DYNC1I1: variants seen among roughly 807,000 people sequenced by gnomAD.
DYNC1I1 encodes dynein cytoplasmic 1 intermediate chain 1, also known as cytoplasmic dynein 1 intermediate chain 1.
Under a neutral mutation model 86.6 loss-of-function variants are expected in DYNC1I1, and 43 were observed. The ratio of observed to expected loss-of-function variants is 0.50; its 90% CI spans 0.39 to 0.64. The LOEUF (loss-of-function observed/expected upper bound fraction) is 0.64. DYNC1I1 is among the 30% of genes least tolerant of loss of function. The pLI, the probability that DYNC1I1 is intolerant of heterozygous loss-of-function variation, is 0.00. For missense variants in DYNC1I1, 604 were observed against 788.8 expected (o/e 0.77, Z 2.81); for synonymous variants, 262 against 283.7 (o/e 0.92, Z 0.77).
At chr7:96,079,019 GT>G (rs138249934) in intron 15 of DYNC1I1, among the ~76,000 whole-genome samples, 2 of 150,618 alleles carry the variant, frequency 1.3e-5, no homozygotes, top group African/African-American at 2.5e-5. Context: ...GACTTTTGGG[GT>G]TTTTTTTTGT....
intron 6 of DYNC1I1, among the ~76,000 whole-genome samples, chr7:95,954,199 A>T (rs940805696): frequency 1.3e-5 from 2 of 151,596 alleles, no homozygotes; most frequent in South Asian, 4.2e-4. Flanking sequence ...AATACTTCCC[A>T]TGTCACCTGG....
At chr7:95,922,470 T>G (rs1293391873) in intron 6 of DYNC1I1, among the ~76,000 whole-genome samples, 2 of 152,148 alleles carry the variant, frequency 1.3e-5, no homozygotes, top group Admixed American at 6.6e-5. Flanking sequence ...GTACTCCATG[T>G]GTGGCATTTA....
intron 6 of DYNC1I1, among the ~76,000 whole-genome samples, chr7:95,927,077 T>A (rs1283635645): frequency 6.6e-6 from 1 of 152,102 alleles, no homozygotes; most frequent in Non-Finnish European, 1.5e-5. Flanking sequence ...CTGCTGTAGT[T>A]TTTAATAATT....
At chr7:96,044,074 T>G (rs879658061) in intron 14 of DYNC1I1, among the ~76,000 whole-genome samples, 1 of 152,160 alleles carries the variant, frequency 6.6e-6, no homozygotes, top group African/African-American at 2.4e-5. Flanking sequence ...ACAGAACAAA[T>G]TATATGATAT....
At position 95,956,382 on chromosome 7, in the gene DYNC1I1, T is replaced by C. The variant is rs377307743; in HGVS notation, c.491-21130T>C. 2.5e-3 allele frequency among the ~76,000 whole-genome samples: 262 copies of C among 105,858 alleles called. 2 individuals are homozygous for C. The highest frequency in any genetic ancestry group is 3.1e-3 in the Non-Finnish European group (190 of 61,498). 69.4% of individuals were successfully genotyped at this position (105,858 alleles called of 152,430 possible). ...CAATAAGACCCTTCTTTTTTTCTCTTTTTTTTTTTTTTTTATTATACTTTA... is the reference window on the plus strand; with the variant it reads ...CAATAAGACCCTTCTTTTTTTCTCTCTTTTTTTTTTTTTTATTATACTTTA... On this transcript the variant is annotated intron_variant, in intron 6 of 16. Transcript: ENST00000447467.
rs377495263 is a variant in DYNC1I1, at chr7:95,810,444, G to A, written c.161G>A (p.Arg54His). ...EPVQDDSDLD[R>H]KRRETEALLQ... ...GTTCAGGACGACTCTGATCTGGATC[G>A]CAAACGACGAGAGACAGAGGCTTTG... Residue 54 changes from arginine (R) to histidine (H), a missense_variant, in exon 3 of 17, where the codon CGC becomes CAC. Transcript: ENST00000447467. The A allele has an allele frequency of 1.3e-5, 21 of 1,612,832 alleles. No individual in the cohort carries two copies. Among genetic ancestry groups the A allele is most frequent in the East Asian group, 6.7e-5 (3 of 44,862 alleles).
chr7:95,952,442 G>A (rs1792585370), intron 6 of DYNC1I1, among the ~76,000 whole-genome samples: 1 of 152,150 alleles, frequency 6.6e-6, no homozygotes, highest in South Asian at 2.1e-4. Context: ...AACAAGAGGT[G>A]CCTCATCAAG....
At chr7:95,973,456 A>T (rs1793225474) in intron 6 of DYNC1I1, among the ~76,000 whole-genome samples, 1 of 152,208 alleles carries the variant, frequency 6.6e-6, no homozygotes. Flanking sequence ...ACTATTTTTT[A>T]AATTTCTCTG....
intron 6 of DYNC1I1, among the ~76,000 whole-genome samples, chr7:95,912,284 G>T (rs1025225471): frequency 1.3e-5 from 2 of 152,132 alleles, no homozygotes; most frequent in Non-Finnish European, 2.9e-5. Context: ...TGATCCACCC[G>T]CTTTGGCCTC....
At chr7:95,993,607 A>G (rs139869160) in intron 9 of DYNC1I1, among the ~76,000 whole-genome samples, 242 of 152,266 alleles carry the variant, frequency 1.6e-3, no homozygotes, top group African/African-American at 5.4e-3. Flanking sequence ...CATCCGCTGC[A>G]GAGTGTTTTT....
chr7:95,977,319 A>G (rs1014836812), intron 6 of DYNC1I1, among the ~76,000 whole-genome samples, 193 bp from the exon 7 acceptor site: 1 of 152,154 alleles, frequency 6.6e-6, no homozygotes, highest in Non-Finnish European at 1.5e-5. Flanking sequence ...GAAATTTTCA[A>G]AGAGGCCCCT....
At chr7:95,864,237 G>T (rs909349668) in intron 5 of DYNC1I1, among the ~76,000 whole-genome samples, 1 of 152,180 alleles carries the variant, frequency 6.6e-6, no homozygotes, top group African/African-American at 2.4e-5. Flanking sequence ...GGGGAATGGG[G>T]ACAGTGATTC....
intron 6 of DYNC1I1, among the ~76,000 whole-genome samples, chr7:95,909,730 T>C (rs1791278835): frequency 6.6e-6 from 1 of 152,134 alleles, no homozygotes; most frequent in Non-Finnish European, 1.5e-5. Context: ...AACTCAACAG[T>C]GTACATTTAA....
chr7:95,791,785 G>C lies in DYNC1I1; in HGVS notation c.-9-12936G>C, dbSNP rs780868432. 2.5e-4 allele frequency among the ~76,000 whole-genome samples: 38 copies of C among 152,282 alleles called. 1 individual carries two copies. The highest frequency in any genetic ancestry group is 3.4e-3 in the Middle Eastern group (1 of 294). On this transcript the variant is annotated intron_variant, in intron 1 of 16. Coordinates refer to ENST00000447467, the MANE Select transcript of DYNC1I1 (RefSeq NM_001135556.2). ...TCAGGCAGGAAAAATTATATCAATA[G>C]ATATATAATGGTAGTGATTTAGTAA...
At chr7:95,804,205 T>C (rs1477238958) in intron 1 of DYNC1I1, 2 of 243,810 alleles carry the variant, frequency 8.2e-6, no homozygotes, top group South Asian at 1.3e-4. Context: ...ATGCAAATAA[T>C]GTTAGGCAAA....
intron 1 of DYNC1I1, among the ~76,000 whole-genome samples, chr7:95,796,298 C>A (rs1794434010): frequency 6.6e-6 from 1 of 151,744 alleles, no homozygotes; most frequent in South Asian, 2.1e-4. Flanking sequence ...TGGGGTCTCT[C>A]TCTCTCTCTT....
At chr7:95,858,797 T>C (rs1364704231) in intron 5 of DYNC1I1, among the ~76,000 whole-genome samples, 4 of 151,162 alleles carry the variant, frequency 2.6e-5, no homozygotes, top group African/African-American at 9.7e-5. Flanking sequence ...TTACTCCTTC[T>C]TAAACTCCTG....
intron 6 of DYNC1I1, among the ~76,000 whole-genome samples, chr7:95,970,095 G>A (rs1038908687): frequency 8.5e-5 from 13 of 152,130 alleles, no homozygotes; most frequent in South Asian, 2.1e-4. Context: ...GACTCCCGGC[G>A]AAGTTGGCAA....
chr7:95,818,620 A>T, intron 4 of DYNC1I1: 1 of 566,138 alleles, frequency 1.8e-6, no homozygotes, highest in Non-Finnish European at 3.2e-6. Flanking sequence ...TGCTGAGATT[A>T]CAGGCAGGAC....
Sources: gnomAD v4.1 joint callset for allele counts (sites outside exome capture counted in the v4.1 genomes callset) on GRCh38, gnomAD v4.1.1 for gene constraint, MANE v1.5 for transcripts, NCBI Gene and HGNC (gene_info 2026-07-23, HGNC 2026-07-21) for gene names.